The following SHISA6 variants were observed in gnomAD, a reference collection of about 807,000 sequenced individuals.
The protein encoded by SHISA6 is protein shisa-6.
SHISA6 carries 22 observed loss-of-function variants against 47.9 expected under a neutral mutation model. The ratio of observed to expected loss-of-function variants is 0.46; its 90% confidence interval spans 0.33 to 0.66. The LOEUF (loss-of-function observed/expected upper bound fraction) is 0.66, where lower values mean the gene tolerates loss of function less well. Among genes scored for constraint, SHISA6 ranks in the 30% least tolerant of loss-of-function variants. The pLI, the probability that SHISA6 is intolerant of heterozygous loss-of-function variation, is 0.02. For synonymous variants in SHISA6, 388 were observed against 337.8 expected (o/e 1.15, Z -1.63); for missense variants, 680 against 764.6 (o/e 0.89, Z 1.30).
intron 3 of SHISA6, among the ~76,000 whole-genome samples, chr17:11,459,698 G>GA (rs1361739859): frequency 2.0e-5 from 3 of 152,158 alleles, no homozygotes; most frequent in African/African-American, 4.8e-5. Context: ...ATATAAGTGG[G>GA]AAAAAATGGG....
At chr17:11,416,360 C>A (rs1035830540) in intron 3 of SHISA6, among the ~76,000 whole-genome samples, 1 of 152,140 alleles carries the variant, frequency 6.6e-6, no homozygotes, top group Non-Finnish European at 1.5e-5. Context: ...GGTGGATCTC[C>A]AAGACGGCAG....
chr17:11,400,199 T>C (rs563904444), intron 3 of SHISA6, among the ~76,000 whole-genome samples: 1 of 152,302 alleles, frequency 6.6e-6, no homozygotes, highest in South Asian at 2.1e-4. Flanking sequence ...ACCTTTTTGC[T>C]GAACTCCAGT....
At chr17:11,398,381 C>G (rs1046770605) in intron 3 of SHISA6, among the ~76,000 whole-genome samples, 12 of 152,094 alleles carry the variant, frequency 7.9e-5, no homozygotes, top group Middle Eastern at 3.2e-3. Flanking sequence ...TTTCGTCTTA[C>G]AGGATGCCAC....
intron 2 of SHISA6, among the ~76,000 whole-genome samples, chr17:11,269,154 G>C (rs1310029059): frequency 6.6e-6 from 1 of 151,866 alleles, no homozygotes; most frequent in Non-Finnish European, 1.5e-5. Flanking sequence ...TGATTCTCCT[G>C]CCTCAGCCTC....
rs149735896 is a variant in SHISA6, at chr17:11,436,834, A to G, written c.895+57325A>G. The stretch of plus-strand genomic sequence containing the variant: ...GAGCCTAATAGAGTGGTAAAATTCT[A>G]TCTTTAACTCAGTGATACCCTTATT... On this transcript the variant is annotated intron_variant, in intron 3 of 5. Transcript: ENST00000441885. 4.8e-3 allele frequency among the ~76,000 whole-genome samples: 727 copies of G among 152,330 alleles called. 6 individuals are homozygous for G. The highest frequency in any genetic ancestry group is 0.016 in the African/African-American group (675 of 41,572).
chr17:11,419,916 A>G (rs1047087118), intron 3 of SHISA6, among the ~76,000 whole-genome samples: 1 of 152,204 alleles, frequency 6.6e-6, no homozygotes. Context: ...TAGAAGAAGT[A>G]CAAGGGGCTG....
intron 2 of SHISA6, among the ~76,000 whole-genome samples, chr17:11,349,310 G>T (rs1482067158): frequency 1.3e-5 from 2 of 152,114 alleles, no homozygotes; most frequent in African/African-American, 2.4e-5. Context: ...TTCACATTGG[G>T]CCAGAAAGAA....
intron 2 of SHISA6, among the ~76,000 whole-genome samples, chr17:11,310,568 C>G (rs1311320817): frequency 6.6e-6 from 1 of 152,128 alleles, no homozygotes; most frequent in African/African-American, 2.4e-5. Context: ...TAGAGCCCAT[C>G]ATGAAAGACC....
At chr17:11,544,575 G>A (rs945934172) in intron 3 of SHISA6, among the ~76,000 whole-genome samples, 13 of 152,148 alleles carry the variant, frequency 8.5e-5, no homozygotes, top group African/African-American at 2.7e-4. Flanking sequence ...ATACTGGCAA[G>A]GACATAGAGA....
chr17:11,498,105 G>A (rs2071423202), intron 3 of SHISA6, among the ~76,000 whole-genome samples: 1 of 152,224 alleles, frequency 6.6e-6, no homozygotes, highest in South Asian at 2.1e-4. Flanking sequence ...TCCTCTTCCT[G>A]TTTTCTTCCT....
intron 3 of SHISA6, among the ~76,000 whole-genome samples, chr17:11,473,588 T>C (rs759900984): frequency 4.6e-5 from 7 of 152,040 alleles, no homozygotes; most frequent in Non-Finnish European, 8.8e-5. Flanking sequence ...TCCCACCTCC[T>C]AATATTGTTA....
At chr17:11,368,988 C>T (rs1428340284) in intron 2 of SHISA6, among the ~76,000 whole-genome samples, 1 of 152,194 alleles carries the variant, frequency 6.6e-6, no homozygotes, top group Non-Finnish European at 1.5e-5. Context: ...TTCATCCCTT[C>T]CTCATGAGCG....
At chr17:11,546,197 TACAG>T (rs1323768031) in intron 3 of SHISA6, among the ~76,000 whole-genome samples, 1 of 152,182 alleles carries the variant, frequency 6.6e-6, no homozygotes, top group Admixed American at 6.5e-5. Flanking sequence ...AGTACAGTCA[TACAG>T]AGACACCAAA....
intron 2 of SHISA6, among the ~76,000 whole-genome samples, chr17:11,347,012 T>A (rs1345206913): frequency 6.6e-6 from 1 of 152,164 alleles, no homozygotes; most frequent in East Asian, 1.9e-4. Flanking sequence ...TTTGCGGAGT[T>A]GAGTCTGTAG....
intron 2 of SHISA6, among the ~76,000 whole-genome samples, chr17:11,335,622 T>G (rs1050261903): frequency 6.6e-6 from 1 of 152,154 alleles, no homozygotes; most frequent in Non-Finnish European, 1.5e-5. Context: ...AAAAGGGCTC[T>G]TGTGGCAAAA....
At chr17:11,299,624 T>A (rs1323061046) in intron 2 of SHISA6, among the ~76,000 whole-genome samples, 1 of 152,176 alleles carries the variant, frequency 6.6e-6, no homozygotes, top group East Asian at 1.9e-4. Flanking sequence ...CTGTTCCAGC[T>A]TCTAGAGGCC....
chr17:11,412,701 C>G (rs573979109), intron 3 of SHISA6, among the ~76,000 whole-genome samples: 2 of 151,906 alleles, frequency 1.3e-5, no homozygotes, highest in African/African-American at 4.8e-5. Flanking sequence ...GCCACCGTGC[C>G]GGGCTAATTT....
At chr17:11,511,096 T>C (rs2071537524) in intron 3 of SHISA6, among the ~76,000 whole-genome samples, 1 of 152,196 alleles carries the variant, frequency 6.6e-6, no homozygotes, top group Admixed American at 6.5e-5. Flanking sequence ...CATGGAATGC[T>C]ATGCAGCCAT....
In SHISA6 at chr17:11,296,685, A is replaced by G. The variant is rs562255816; in HGVS notation, c.799+33159A>G. Among the ~76,000 whole-genome samples, 3 of 152,066 alleles carry G rather than the reference A, an allele frequency of 2.0e-5. No individual in the cohort carries two copies. The South Asian group carries it at 6.2e-4, about 32-fold the overall frequency. The stretch of plus-strand genomic sequence containing the variant: ...AGGGAGTATTGGAAGTGATGGGGGG[A>G]TGTCTCCTAGGAACAGAATATTGAG... On this transcript the variant is annotated intron_variant, in intron 2 of 5. Coordinates refer to ENST00000441885, the MANE Select transcript of SHISA6 (RefSeq NM_207386.4).
Sources: gnomAD v4.1 joint callset for allele counts (sites outside exome capture counted in the v4.1 genomes callset) on GRCh38, gnomAD v4.1.1 for gene constraint, MANE v1.5 for transcripts, NCBI Gene and HGNC (gene_info 2026-07-23, HGNC 2026-07-21) for gene names.